Variants in ECT2L observed in about 807,000 individuals in gnomAD.
The protein encoded by ECT2L is epithelial cell-transforming sequence 2 oncogene-like.
ECT2L carries 126 observed loss-of-function variants against 122.8 expected under a neutral mutation model. That is an observed-to-expected ratio of 1.03 (90% confidence interval 0.89 to 1.19). ECT2L has a LOEUF of 1.19. Ranked by LOEUF, ECT2L falls within the 50% of genes most tolerant of loss-of-function variation. The pLI, the probability that ECT2L is intolerant of heterozygous loss-of-function variation, is 0.00. For synonymous variants in ECT2L, 385 were observed against 381.8 expected (o/e 1.01, Z -0.10); for missense variants, 1,012 against 1,064.1 (o/e 0.95, Z 0.68).
chr6:138,860,195 A>C (rs1777774098), intron 10 of ECT2L, among the ~76,000 whole-genome samples: 2 of 152,218 alleles, frequency 1.3e-5, no homozygotes, highest in African/African-American at 4.8e-5. Context: ...CTTTGGCATC[A>C]TATCTAAAAA....
At chr6:138,808,331 A>T (rs776959485) in intron 1 of ECT2L, among the ~76,000 whole-genome samples, 11 of 152,120 alleles carry the variant, frequency 7.2e-5, no homozygotes, top group Non-Finnish European at 1.3e-4. Context: ...TGCAACTTCA[A>T]CCTCCAGGAC....
At chr6:138,880,782 G>T (rs1338534998) in intron 14 of ECT2L, among the ~76,000 whole-genome samples, 175 bp from the exon 15 acceptor site, 1 of 152,198 alleles carries the variant, frequency 6.6e-6, no homozygotes, top group Non-Finnish European at 1.5e-5. Flanking sequence ...CATATGAGGG[G>T]CTCTTTGATG....
chr6:138,902,393 A>G (rs1779431638), intron 21 of ECT2L, 107 bp from the exon 22 acceptor site: 4 of 1,006,034 alleles, frequency 4.0e-6, no homozygotes, highest in Non-Finnish European at 5.9e-6. Context: ...ATTTCTTTTT[A>G]GGTTTTAAAA....
chr6:138,883,088 C>T (rs1392442456), intron 16 of ECT2L, among the ~76,000 whole-genome samples: 1 of 152,192 alleles, frequency 6.6e-6, no homozygotes, highest in African/African-American at 2.4e-5. Flanking sequence ...TTAAACTGAA[C>T]TCATCCTCAT....
At chr6:138,899,152 G>GA (rs1008772213) in intron 20 of ECT2L, among the ~76,000 whole-genome samples, 85 of 135,722 alleles carry the variant, frequency 6.3e-4, no homozygotes, top group Admixed American at 9.1e-4. Flanking sequence ...TGGCAATACA[G>GA]AAAAAAAAAA....
chr6:138,847,354 A>ATTTTTTTTTTTTTTTTTTTTTT (rs1562471985), intron 8 of ECT2L, among the ~76,000 whole-genome samples: 1 of 111,016 alleles, frequency 9.0e-6, no homozygotes, highest in African/African-American at 4.0e-5. Flanking sequence ...AAAGGCCCAA[A>ATTTTTTTTTTTTTTTTTTTTTT]CTTTTTTTTT....
chr6:138,874,614 T>C (rs1294663682), intron 13 of ECT2L, among the ~76,000 whole-genome samples: 2 of 152,220 alleles, frequency 1.3e-5, no homozygotes, highest in East Asian at 3.8e-4. Context: ...TGATGACACC[T>C]GAATTTTAAT....
At chr6:138,853,162 T>C (rs1777507776) in intron 9 of ECT2L, among the ~76,000 whole-genome samples, 1 of 152,110 alleles carries the variant, frequency 6.6e-6, no homozygotes, top group Non-Finnish European at 1.5e-5. Flanking sequence ...GAGATGGGGT[T>C]TCACCATATT....
Position 138,814,530 on chromosome 6 carries a change from G to A in ECT2L, c.106G>A (p.Asp36Asn). Residue 36 changes from aspartate (D) to asparagine (N), a missense_variant, in exon 4 of 22, where the codon GAC (aspartate) becomes AAC (asparagine). Asp to Asn is a conservative substitution (Grantham distance 23). Transcript: ENST00000541398. Reference sequence around the variant, plus strand: ...AGTGGCTCTTATAAGTCATTGGTTTGACCTCTGGACTAACAAGCAACGTCA... The same window carrying A: ...AGTGGCTCTTATAAGTCATTGGTTTAACCTCTGGACTAACAAGCAACGTCA... Reference protein sequence around the residue: ...ERVALISHWFDLWTNKQRQEF... With the variant: ...ERVALISHWFNLWTNKQRQEF... 1 of 1,611,800 alleles carries A rather than the reference G, an allele frequency of 6.2e-7. No homozygotes were observed.
At chr6:138,861,657 T>G (rs1777837297) in intron 10 of ECT2L, among the ~76,000 whole-genome samples, 1 of 152,200 alleles carries the variant, frequency 6.6e-6, no homozygotes, top group South Asian at 2.1e-4. Flanking sequence ...TTGCAAAAAT[T>G]TTCTCCCATT....
chr6:138,882,578 C>A (rs1372473191), intron 15 of ECT2L, 146 bp from the exon 16 acceptor site: 5 of 986,624 alleles, frequency 5.1e-6, no homozygotes, highest in Non-Finnish European at 7.3e-6. Flanking sequence ...CAAATCTCCA[C>A]TTCTCTGTGT....
intron 1 of ECT2L, among the ~76,000 whole-genome samples, chr6:138,797,833 C>T (rs544218604): frequency 2.6e-5 from 4 of 152,160 alleles, no homozygotes; most frequent in African/African-American, 9.6e-5. Context: ...AGATCCCATA[C>T]GTTCAGGGCT....
In ECT2L at chr6:138,883,172, T is replaced by G. The variant is rs192402280; in HGVS notation, c.2028+301T>G. Among the ~76,000 whole-genome samples the G allele has an allele frequency of 1.2e-4, 19 of 152,328 alleles. No individual in the cohort carries two copies. The East Asian group carries it at 3.7e-3, about 29-fold the overall frequency. On this transcript the variant is annotated intron_variant, in intron 16 of 21. Coordinates refer to ENST00000541398, the MANE Select transcript of ECT2L (RefSeq NM_001077706.3). ...AAATGCTCCACAGTTGAGCTTGGAATCCACTCTGCTACTACAATCCTGTGT... is the reference window on the plus strand; with the variant it reads ...AAATGCTCCACAGTTGAGCTTGGAAGCCACTCTGCTACTACAATCCTGTGT...
At position 138,843,045 on chromosome 6, in the gene ECT2L, G is replaced by A. The variant is rs764876482; in HGVS notation, c.409G>A (p.Glu137Lys). Residue 137 changes from glutamate (E) to lysine (K), a missense_variant, in exon 6 of 22, where the codon GAG becomes AAG. Transcript: ENST00000541398. ...TCTGCCCTATACTCCAACAGATAAT[G>A]AGTATGGTGCTTGGAAGCGCCATTA... ...WFLPYTPTDNEYGAWKRHYIA... is the reference protein window; with the variant it reads ...WFLPYTPTDNKYGAWKRHYIA... 1 of 1,612,820 alleles carries A rather than the reference G, an allele frequency of 6.2e-7. No individual in the cohort carries two copies.
intron 5 of ECT2L, among the ~76,000 whole-genome samples, chr6:138,840,498 C>T (rs371535580): frequency 6.6e-6 from 1 of 151,954 alleles, no homozygotes; most frequent in South Asian, 2.1e-4. Flanking sequence ...GCTAAGTTTT[C>T]TTAGTTTTTG....
chr6:138,890,696 T>A (rs1778994344), intron 20 of ECT2L, among the ~76,000 whole-genome samples: 1 of 152,072 alleles, frequency 6.6e-6, no homozygotes, highest in Non-Finnish European at 1.5e-5. Flanking sequence ...TTACATAAGT[T>A]TGATTTTCTA....
intron 10 of ECT2L, among the ~76,000 whole-genome samples, chr6:138,860,707 A>ATTTTTTTTTT (rs35611410): frequency 9.6e-5 from 13 of 135,784 alleles, no homozygotes; most frequent in African/African-American, 3.7e-4. Context: ...TGAAGGGGCT[A>ATTTTTTTTTT]TTTTTTTTTT....
chr6:138,807,727 G>A (rs1775758961), intron 1 of ECT2L, among the ~76,000 whole-genome samples: 2 of 152,132 alleles, frequency 1.3e-5, no homozygotes, highest in African/African-American at 4.8e-5. Context: ...AGGGTGAGCT[G>A]GGTCCAGCTG....
intron 12 of ECT2L, among the ~76,000 whole-genome samples, chr6:138,867,674 A>C (rs1223351342): frequency 9.4e-6 from 1 of 106,414 alleles, no homozygotes; most frequent in African/African-American, 2.9e-5. Context: ...AAAAAAAAAA[A>C]AAAATTTAGC....
Sources: allele counts gnomAD v4.1 joint callset (sites outside exome capture counted in the v4.1 genomes callset), GRCh38; gene constraint gnomAD v4.1.1; transcripts MANE v1.5; gene names NCBI Gene and HGNC (gene_info 2026-07-23, HGNC 2026-07-21).